The following IQCH variants were observed in gnomAD, a reference collection of about 807,000 sequenced individuals.
The protein encoded by IQCH is IQ domain-containing protein H.
A neutral mutation model predicts 117.0 loss-of-function variants in IQCH; 98 were observed. The ratio of observed to expected loss-of-function variants is 0.84; its 90% CI spans 0.71 to 0.99. IQCH has a LOEUF of 0.99. Among genes scored for constraint, IQCH ranks in the 50% least tolerant of loss-of-function variants. IQCH has a pLI of 0.00. For synonymous variants in IQCH, 412 were observed against 448.2 expected (o/e 0.92, Z 1.02); for missense variants, 1,102 against 1,243.8 (o/e 0.89, Z 1.72).
chr15:67,294,550 C>T (rs1476272008), intron 4 of IQCH, among the ~76,000 whole-genome samples: 1 of 152,152 alleles, frequency 6.6e-6, no homozygotes, highest in Non-Finnish European at 1.5e-5. Flanking sequence ...TGTTCCTTTG[C>T]CCCTATTTCC....
chr15:67,330,710 C>G (rs1490198054), intron 4 of IQCH, among the ~76,000 whole-genome samples: 1 of 152,208 alleles, frequency 6.6e-6, no homozygotes, highest in Non-Finnish European at 1.5e-5. Flanking sequence ...CAGTGACATG[C>G]ATTTTTCATT....
chr15:67,373,282 T>G (rs544783545), intron 9 of IQCH, 85 bp from the exon 10 acceptor site: 22 of 815,868 alleles, frequency 2.7e-5, no homozygotes, highest in Non-Finnish European at 2.1e-6. Flanking sequence ...CTGGCTTAAC[T>G]GTACAGTGGA....
In IQCH at chr15:67,416,970, A is replaced by G. The variant is rs2081593194; in HGVS notation, c.2137A>G (p.Ile713Val). ...GAAGATCTCTGAGGAGCTGGCGGGC[A>G]TTTTAGCACAGCACGCACAGCCAGT... ...LVKISEELAG[I>V]LAQHAQPVNE... Residue 713 changes from isoleucine to valine, a missense_variant, in exon 15 of 21, where the codon ATT becomes GTT. Around this residue, in one of 2 missense-constraint regions of IQCH, gnomAD observed 650 missense variants for 794.3 expected, o/e 0.82. Coordinates refer to ENST00000335894, the MANE Select transcript of IQCH (RefSeq NM_001031715.3). This position sits in a 1 kb window ranked among gnomAD's most constrained non-coding sequence, Gnocchi z 5.1. 3 of 1,605,778 alleles carry G rather than the reference A, an allele frequency of 1.9e-6. No individual in the cohort carries two copies. The highest frequency in any genetic ancestry group is 2.6e-6 in the Non-Finnish European group (3 of 1,176,260).
intron 7 of IQCH, among the ~76,000 whole-genome samples, chr15:67,357,853 C>CATCATT (rs1555462495): frequency 3.3e-5 from 5 of 151,584 alleles, no homozygotes. Flanking sequence ...TCTGTATTAT[C>CATCATT]ATTATTATTA....
Position 67,458,180 on chromosome 15 carries a change from A to C in IQCH, c.2506-6947A>C, listed in dbSNP as rs1032442726. Among the ~76,000 whole-genome samples the C allele has an allele frequency of 6.6e-6, 1 of 152,226 alleles. No homozygotes were observed. The highest frequency in any genetic ancestry group is 1.5e-5 in the Non-Finnish European group (1 of 68,036). ...CCCACCCTCTATAACATGCTGTAAC[A>C]AAGGCATCTCAAACTTAACTGATCT... On this transcript the variant is annotated intron_variant, in intron 16 of 20. Transcript: ENST00000335894. The surrounding 1 kb of genome is among the most constrained non-coding windows in gnomAD (Gnocchi z 4.1).
intron 10 of IQCH, among the ~76,000 whole-genome samples, chr15:67,375,027 A>G (rs1220459552): frequency 2.6e-5 from 4 of 152,202 alleles, no homozygotes; most frequent in African/African-American, 9.7e-5. Context: ...CCTCCTAAAA[A>G]CTTCCATGCA....
intron 16 of IQCH, among the ~76,000 whole-genome samples, chr15:67,444,691 A>C (rs923706083): frequency 6.6e-6 from 1 of 152,182 alleles, no homozygotes; most frequent in Non-Finnish European, 1.5e-5. Flanking sequence ...TTATTCTTAT[A>C]ATTAGCTTGA....
At chr15:67,346,199 C>A (rs747222489) in intron 6 of IQCH, among the ~76,000 whole-genome samples, 14 of 151,942 alleles carry the variant, frequency 9.2e-5, no homozygotes, top group Non-Finnish European at 1.9e-4. Flanking sequence ...GACATACATT[C>A]CTAAATGTGT....
At chr15:67,314,513 G>A (rs1967756064) in intron 4 of IQCH, among the ~76,000 whole-genome samples, 1 of 147,536 alleles carries the variant, frequency 6.8e-6, no homozygotes, top group African/African-American at 2.5e-5. Flanking sequence ...GAAAAGTGGT[G>A]TTCATGGAAC....
chr15:67,334,891 T>C (rs1187219638), intron 4 of IQCH, among the ~76,000 whole-genome samples: 1 of 152,248 alleles, frequency 6.6e-6, no homozygotes, highest in Non-Finnish European at 1.5e-5. Flanking sequence ...CAGTAAATGC[T>C]GAAGGTTGTT....
intron 18 of IQCH, among the ~76,000 whole-genome samples, chr15:67,482,349 A>G (rs1431816826): frequency 6.6e-6 from 1 of 152,226 alleles, no homozygotes; most frequent in Non-Finnish European, 1.5e-5. Context: ...GCAGTTACCC[A>G]GTCCTGTTCC....
At position 67,408,820 on chromosome 15, in the gene IQCH, A is replaced by G. The variant is rs1015191179; in HGVS notation, c.2098-8111A>G. On this transcript the variant is annotated intron_variant, in intron 14 of 20. Coordinates refer to ENST00000335894, the MANE Select transcript of IQCH (RefSeq NM_001031715.3). The surrounding 1 kb of genome is among the most constrained non-coding windows in gnomAD (Gnocchi z 4.2). ...AACTGGAAAGAAAGACCCTATTACCAGTAATGATAATTATGGCTACTTCTA... is the reference window on the plus strand; with the variant it reads ...AACTGGAAAGAAAGACCCTATTACCGGTAATGATAATTATGGCTACTTCTA... Among the ~76,000 whole-genome samples the G allele has an allele frequency of 6.6e-6, 1 of 152,226 alleles. No individual in the cohort carries two copies. Among genetic ancestry groups the G allele is most frequent in the Non-Finnish European group, 1.5e-5 (1 of 68,038 alleles).
At chr15:67,371,522 A>G (rs1451931128) in intron 8 of IQCH, 1 of 1,571,802 alleles carries the variant, frequency 6.4e-7, no homozygotes, top group Non-Finnish European at 8.7e-7. Flanking sequence ...GAGAAACCTA[A>G]GAATGACAAA....
At position 67,263,204 on chromosome 15, in the gene IQCH, A is replaced by T. The variant is rs750533997; in HGVS notation, c.257A>T (p.Gln86Leu). The change falls in exon 3 of 21, where the codon CAG (glutamine) becomes CTG (leucine). Residue 86 changes from glutamine (Q) to leucine (L), a missense_variant. By Grantham distance (113) the Gln-to-Leu change is moderately radical. Around this residue, in one of 2 missense-constraint regions of IQCH, gnomAD observed 452 missense variants for 449.6 expected, o/e 1.01. Transcript: ENST00000335894. The part of the protein sequence containing the change: ...SVNDESLYTP[Q>L]ASKWLLPTVI... ...AATGATGAGAGCTTATATACTCCCCAGGCTTCCAAATGGTAAGTAAAATAG... is the reference window on the plus strand; with the variant it reads ...AATGATGAGAGCTTATATACTCCCCTGGCTTCCAAATGGTAAGTAAAATAG... 6.5e-7 allele frequency: 1 copy of T among 1,547,180 alleles called. No homozygotes were observed. The highest frequency in any genetic ancestry group is 8.9e-7 in the Non-Finnish European group (1 of 1,121,560).
In IQCH at chr15:67,406,810, T is replaced by C. The variant is rs1026505917; in HGVS notation, c.2097+6505T>C. 1 of 152,248 alleles carries C rather than the reference T, an allele frequency of 6.6e-6. No homozygotes were observed. Among genetic ancestry groups the C allele is most frequent in the African/African-American group, 2.4e-5 (1 of 41,470 alleles). The allele number at this position is 152,248 out of a possible 1,614,324, so 9.4% of individuals were successfully genotyped here. A position where few individuals can be genotyped will look rare whatever the true frequency, so the allele number is the denominator to read the frequency against. ...TTCTCTATCTGTAAAGAGAGATTAG[T>C]ACCTGTCTCATGGGGAAGTGGTGAC... On this transcript the variant is annotated intron_variant, in intron 14 of 20. Coordinates refer to ENST00000335894, the MANE Select transcript of IQCH (RefSeq NM_001031715.3). The surrounding 1 kb of genome is among the most constrained non-coding windows in gnomAD (Gnocchi z 4.5).
intron 4 of IQCH, among the ~76,000 whole-genome samples, chr15:67,313,134 T>C (rs1005183765): frequency 6.6e-6 from 1 of 152,162 alleles, no homozygotes; most frequent in African/African-American, 2.4e-5. Context: ...TTTATATAAT[T>C]GATTATTTAT....
intron 16 of IQCH, among the ~76,000 whole-genome samples, chr15:67,438,860 A>G (rs749010781): frequency 2.0e-5 from 3 of 152,240 alleles, no homozygotes; most frequent in Non-Finnish European, 2.9e-5. Flanking sequence ...AAATATCACA[A>G]TCCTAAACAT....
chr15:67,336,094 T>A (rs995003601), intron 4 of IQCH, among the ~76,000 whole-genome samples: 2 of 152,108 alleles, frequency 1.3e-5, no homozygotes, highest in Admixed American at 6.6e-5. Flanking sequence ...GCATATCTAG[T>A]ATACTGCATG....
rs1193257942 is a variant in IQCH at position 67,445,498 on chromosome 15, G to A, written c.2506-19629G>A. On this transcript the variant is annotated intron_variant, in intron 16 of 20. Coordinates refer to ENST00000335894, the MANE Select transcript of IQCH (RefSeq NM_001031715.3). This position sits in a 1 kb window ranked among gnomAD's most constrained non-coding sequence, Gnocchi z 4.3. ...TCTGTCGCCAGGCTGGATTGCAGTG[G>A]TGCAATCTCAGCTCACTGCAACCTC... Among the ~76,000 whole-genome samples, 1 of 152,140 alleles carries A rather than the reference G, an allele frequency of 6.6e-6. No homozygotes were observed. The highest frequency in any genetic ancestry group is 2.4e-5 in the African/African-American group (1 of 41,408).
Sources: gnomAD v4.1 joint callset for allele counts (sites outside exome capture counted in the v4.1 genomes callset) on GRCh38, gnomAD v4.1.1 for gene constraint, gnomAD v4.1.1 regional missense constraint, Gnocchi (gnomAD v3.1) non-coding constraint, MANE v1.5 for transcripts, NCBI Gene and HGNC (gene_info 2026-07-23, HGNC 2026-07-21) for gene names.